FRMD4A: variants seen among roughly 807,000 people sequenced by gnomAD.
FRMD4A encodes the protein FERM domain-containing protein 4A.
A neutral mutation model predicts 129.1 loss-of-function variants in FRMD4A; 29 were observed. That is an observed-to-expected ratio of 0.22 (90% CI 0.17 to 0.31). The LOEUF is 0.31. FRMD4A is among the 10% of genes least tolerant of loss of function. The probability of loss-of-function intolerance (pLI) is 1.00; values close to 1 mark genes in which losing one functional copy is unlikely to be tolerated. For missense variants in FRMD4A, 1,272 were observed against 1,375.8 expected, an observed-to-expected ratio of 0.92 and a Z score of 1.19; for synonymous variants, 634 against 571.6, an observed-to-expected ratio of 1.11 and a Z score of -1.56.
chr10:14,132,035 C>T (rs914851585), intron 2 of FRMD4A, among the ~76,000 whole-genome samples: 5 of 152,198 alleles, frequency 3.3e-5, no homozygotes, highest in Admixed American at 1.3e-4. Flanking sequence ...TCTGTAATCC[C>T]AGCACTTCGG....
intron 2 of FRMD4A, among the ~76,000 whole-genome samples, chr10:14,264,500 T>A (rs939373383): frequency 6.6e-6 from 1 of 152,200 alleles, no homozygotes; most frequent in Non-Finnish European, 1.5e-5. Flanking sequence ...ATTAATTCAA[T>A]CAACAGATAC....
intron 2 of FRMD4A, among the ~76,000 whole-genome samples, chr10:14,027,633 A>AAAAAC (rs1354404656): frequency 1.3e-5 from 2 of 152,214 alleles, no homozygotes; most frequent in Non-Finnish European, 2.9e-5. Context: ...AAACAAAAAC[A>AAAAAC]AAAACAAAAC....
At chr10:14,196,164 T>TACACAC (rs10536108) in intron 2 of FRMD4A, among the ~76,000 whole-genome samples, 2 of 149,474 alleles carry the variant, frequency 1.3e-5, no homozygotes, top group Admixed American at 6.7e-5. Flanking sequence ...TGCACACACA[T>TACACAC]ACACACACAC....
In FRMD4A at chr10:13,657,548, C is replaced by G. The variant is rs757288894; in HGVS notation, c.2067-26G>C. 18 of 1,400,028 alleles carry G rather than the reference C, an allele frequency of 1.3e-5. No individual in the cohort carries two copies. The African/African-American group carries it at 1.7e-4, about 13-fold the overall frequency. The allele number at this position is 1,400,028 out of a possible 1,614,324, so 86.7% of individuals were successfully genotyped here. A position where few individuals can be genotyped will look rare whatever the true frequency, so the allele number is the denominator to read the frequency against. On this transcript the variant is annotated intron_variant, in intron 21 of 24. Transcript: ENST00000357447. ...CTGCCGGGAGACGACCCGGGTTGGTCTGGGGGTGGGGAGTGGGCCCAAGGA... is the reference window on the plus strand; with the variant it reads ...CTGCCGGGAGACGACCCGGGTTGGTGTGGGGGTGGGGAGTGGGCCCAAGGA...
chr10:14,015,293 CCCTT>C (rs1311287005), intron 2 of FRMD4A, among the ~76,000 whole-genome samples: 4 of 140,806 alleles, frequency 2.8e-5, no homozygotes, highest in Non-Finnish European at 6.2e-5. Context: ...TTCCCTCCCT[CCCTT>C]CCTTTCATCC....
At chr10:14,230,896 G>A (rs934626517) in intron 2 of FRMD4A, among the ~76,000 whole-genome samples, 7 of 152,104 alleles carry the variant, frequency 4.6e-5, no homozygotes, top group African/African-American at 1.7e-4. Context: ...TGATTTTTCT[G>A]TTTCTGTTTT....
At chr10:14,018,776 G>A (rs933526907) in intron 2 of FRMD4A, among the ~76,000 whole-genome samples, 15 of 152,138 alleles carry the variant, frequency 9.9e-5, no homozygotes, top group African/African-American at 3.6e-4. Context: ...CAGGAAGGAT[G>A]GTCCTATTAG....
intron 12 of FRMD4A, among the ~76,000 whole-genome samples, chr10:13,716,642 C>A (rs776484617): frequency 6.6e-6 from 1 of 152,182 alleles, no homozygotes; most frequent in East Asian, 1.9e-4. Context: ...CCCAGAGCAC[C>A]GGGCCTTGAC....
intron 2 of FRMD4A, among the ~76,000 whole-genome samples, chr10:14,128,849 C>T (rs1839071755): frequency 6.6e-6 from 1 of 152,096 alleles, no homozygotes; most frequent in Admixed American, 6.6e-5. Context: ...TTCCATCTGC[C>T]CTACACTCTC....
intron 2 of FRMD4A, among the ~76,000 whole-genome samples, chr10:13,989,875 T>C (rs1171483944): frequency 6.6e-6 from 1 of 152,244 alleles, no homozygotes; most frequent in African/African-American, 2.4e-5. Flanking sequence ...TCATTGTTTA[T>C]TGAAATTTGA....
chr10:13,839,895 G>GCAGAC (rs2093935946), intron 3 of FRMD4A, among the ~76,000 whole-genome samples: 1 of 152,224 alleles, frequency 6.6e-6, no homozygotes, highest in Non-Finnish European at 1.5e-5. Context: ...CCAGAGCAGA[G>GCAGAC]CAGACCATTC....
chr10:13,690,420 G>T (rs2085571078), intron 15 of FRMD4A, among the ~76,000 whole-genome samples: 1 of 152,220 alleles, frequency 6.6e-6, no homozygotes, highest in African/African-American at 2.4e-5. Context: ...CATCCCAGCG[G>T]GAGGGAGAAC....
chr10:13,716,247 A>G (rs993912309), intron 12 of FRMD4A, among the ~76,000 whole-genome samples: 3 of 152,200 alleles, frequency 2.0e-5, no homozygotes, highest in African/African-American at 7.2e-5. Flanking sequence ...AATCTTGACC[A>G]GAGTCAGTTT....
chr10:14,328,922 C>T (rs1397588825), intron 2 of FRMD4A, among the ~76,000 whole-genome samples: 2 of 152,186 alleles, frequency 1.3e-5, no homozygotes, highest in African/African-American at 4.8e-5. Flanking sequence ...TCTAGTCCTA[C>T]TCCCCCAGTG....
At chr10:14,309,720 C>A (rs771582292) in intron 2 of FRMD4A, among the ~76,000 whole-genome samples, 19 of 152,108 alleles carry the variant, frequency 1.2e-4, no homozygotes, top group Non-Finnish European at 2.5e-4. Flanking sequence ...ACCCCTCAGG[C>A]TCCGTATGCC....
intron 2 of FRMD4A, among the ~76,000 whole-genome samples, chr10:14,231,070 G>A (rs956069745): frequency 2.0e-5 from 3 of 152,158 alleles, no homozygotes; most frequent in South Asian, 2.1e-4. Flanking sequence ...TGTGAAGGGT[G>A]CTTCAATGAA....
chr10:14,116,924 G>A (rs922278649), intron 2 of FRMD4A, among the ~76,000 whole-genome samples: 4 of 152,092 alleles, frequency 2.6e-5, no homozygotes, highest in Admixed American at 2.6e-4. Flanking sequence ...GTTTGTTTTT[G>A]GTTAAAAGCA....
intron 2 of FRMD4A, among the ~76,000 whole-genome samples, chr10:13,860,669 T>C (rs893162020): frequency 6.6e-6 from 1 of 152,060 alleles, no homozygotes; most frequent in African/African-American, 2.4e-5. Context: ...GCCATGAGGG[T>C]CCTTCTCATA....
chr10:13,748,782 T>C (rs1444382751), intron 8 of FRMD4A, among the ~76,000 whole-genome samples: 2 of 152,196 alleles, frequency 1.3e-5, no homozygotes, highest in Non-Finnish European at 2.9e-5. Flanking sequence ...GATTTTCAGA[T>C]TTGAGGATGC....
Sources: gnomAD v4.1 joint callset for allele counts (sites outside exome capture counted in the v4.1 genomes callset) on GRCh38, gnomAD v4.1.1 for gene constraint, MANE v1.5 for transcripts, NCBI Gene and HGNC (gene_info 2026-07-23, HGNC 2026-07-21) for gene names.